STPG2: variants seen among roughly 807,000 people sequenced by gnomAD.
The protein encoded by STPG2 is sperm-tail PG-rich repeat-containing protein 2.
Under a neutral mutation model 54.2 loss-of-function variants are expected in STPG2, and 56 were observed. The observed-to-expected ratio is 1.03, with a 90% CI of 0.83 to 1.29. The LOEUF (loss-of-function observed/expected upper bound fraction) is 1.29, where lower values mean the gene tolerates loss of function less well. Ranked by LOEUF, STPG2 falls within the 50% of genes most tolerant of loss-of-function variation. STPG2 has a pLI of 0.00. For synonymous variants in STPG2, 200 were observed against 181.8 expected, an observed-to-expected ratio of 1.10 and a Z score of -0.81; for missense variants, 596 against 544.9, an observed-to-expected ratio of 1.09 and a Z score of -0.93.
At chr4:97,577,806 T>G (rs1177400600) in intron 10 of STPG2, among the ~76,000 whole-genome samples, 3 of 152,190 alleles carry the variant, frequency 2.0e-5, no homozygotes, top group Non-Finnish European at 4.4e-5. Flanking sequence ...CTCTTAACAC[T>G]AATTATAAAG....
chr4:97,806,910 C>A (rs1457262987), intron 9 of STPG2, among the ~76,000 whole-genome samples: 2 of 152,088 alleles, frequency 1.3e-5, no homozygotes, highest in Non-Finnish European at 2.9e-5. Flanking sequence ...AACTTCTGAG[C>A]CTTACTGACT....
At chr4:97,889,573 A>G (rs1315968911) in intron 8 of STPG2, among the ~76,000 whole-genome samples, 3 of 152,184 alleles carry the variant, frequency 2.0e-5, no homozygotes, top group Non-Finnish European at 2.9e-5. Context: ...AGAGAAATAC[A>G]AATACTGCAT....
chr4:97,443,475 T>C (rs1295359611), intron 4 of STPG2, among the ~76,000 whole-genome samples: 8 of 152,130 alleles, frequency 5.3e-5, no homozygotes, highest in African/African-American at 1.7e-4. Flanking sequence ...GCTAAAGATA[T>C]AGGCAGCAAA....
intron 5 of STPG2, among the ~76,000 whole-genome samples, chr4:97,988,015 T>A (rs1734880221): frequency 6.9e-6 from 1 of 143,934 alleles, no homozygotes; most frequent in Non-Finnish European, 1.5e-5. Context: ...ATCCTTAATA[T>A]GGTCTGAATG....
At chr4:98,077,547 T>C (rs1192635439) in intron 5 of STPG2, among the ~76,000 whole-genome samples, 1 of 152,118 alleles carries the variant, frequency 6.6e-6, no homozygotes, top group East Asian at 1.9e-4. Context: ...TCCATATTTT[T>C]AAGAGTATAA....
intron 10 of STPG2, among the ~76,000 whole-genome samples, chr4:97,682,382 C>T (rs931428363): frequency 4.6e-5 from 7 of 151,616 alleles, no homozygotes; most frequent in Non-Finnish European, 1.0e-4. Context: ...AAAATAATTA[C>T]AAAAATTACA....
intron 10 of STPG2, among the ~76,000 whole-genome samples, chr4:97,602,138 T>A (rs1322754921): frequency 6.6e-6 from 1 of 151,982 alleles, no homozygotes; most frequent in African/African-American, 2.4e-5. Flanking sequence ...TATTTGCCCA[T>A]AGATTATTTT....
chr4:98,136,138 A>G (rs943876095), intron 1 of STPG2, among the ~76,000 whole-genome samples: 1 of 151,668 alleles, frequency 6.6e-6, no homozygotes, highest in African/African-American at 2.4e-5. Flanking sequence ...GAGAAGATAA[A>G]GGGAAGATAT....
intron 8 of STPG2, among the ~76,000 whole-genome samples, chr4:97,890,104 T>C (rs1214197280): frequency 6.6e-6 from 1 of 152,140 alleles, no homozygotes; most frequent in African/African-American, 2.4e-5. Context: ...ACTTTTCTTC[T>C]AAGCTTCTCA....
At chr4:97,477,139 T>C (rs558439820) in intron 4 of STPG2, among the ~76,000 whole-genome samples, 1 of 152,326 alleles carries the variant, frequency 6.6e-6, no homozygotes, top group East Asian at 1.9e-4. Context: ...TGCATGCACA[T>C]ATTGGTATGT....
chr4:97,995,941 CACAA>C (rs756104788), intron 5 of STPG2, among the ~76,000 whole-genome samples: 1 of 152,088 alleles, frequency 6.6e-6, no homozygotes, highest in African/African-American at 2.4e-5. Flanking sequence ...TCAGAGATGA[CACAA>C]ACAGACAAAA....
At chr4:97,903,288 C>G (rs1307565886) in intron 8 of STPG2, among the ~76,000 whole-genome samples, 2 of 151,944 alleles carry the variant, frequency 1.3e-5, no homozygotes, top group Non-Finnish European at 2.9e-5. Context: ...GGCAATTATT[C>G]TACAATGTAT....
At chr4:97,837,770 T>C (rs1728676147) in intron 9 of STPG2, among the ~76,000 whole-genome samples, 1 of 151,610 alleles carries the variant, frequency 6.6e-6, no homozygotes, top group African/African-American at 2.4e-5. Flanking sequence ...TTCATATTTC[T>C]AAATAAAGAT....
chr4:97,586,627 A>G (rs1678331604), intron 10 of STPG2, among the ~76,000 whole-genome samples: 1 of 151,984 alleles, frequency 6.6e-6, no homozygotes, highest in Admixed American at 6.6e-5. Flanking sequence ...AGGCCAGCAG[A>G]TTTGTCTTAT....
intron 7 of STPG2, among the ~76,000 whole-genome samples, chr4:97,946,713 C>A (rs1174596725): frequency 6.6e-6 from 1 of 152,038 alleles, no homozygotes; most frequent in Non-Finnish European, 1.5e-5. Context: ...AAATATTTGG[C>A]TTTATTTCTG....
intron 10 of STPG2, among the ~76,000 whole-genome samples, chr4:97,657,824 G>A (rs1722257383): frequency 6.6e-6 from 1 of 152,170 alleles, no homozygotes; most frequent in Non-Finnish European, 1.5e-5. Context: ...GTTATGCAAA[G>A]ACATGATTTC....
rs575387473 is a variant in STPG2, at chr4:98,069,077, T to A, written c.612+36876A>T. Reference sequence around the variant, plus strand: ...AAGTAACCAAACATTTTTACATTTTTAAAAATGTATTAAAATGTATAAATA... The same window carrying A: ...AAGTAACCAAACATTTTTACATTTTAAAAAATGTATTAAAATGTATAAATA... On this transcript the variant is annotated intron_variant, in intron 5 of 10. Coordinates refer to ENST00000295268, the MANE Select transcript of STPG2 (RefSeq NM_174952.3). Among the ~76,000 whole-genome samples the A allele has an allele frequency of 1.4e-4, 21 of 152,182 alleles. No individual in the cohort carries two copies. In the South Asian group the frequency reaches 4.1e-3, roughly 30 times the overall value.
rs551404753 is a variant in STPG2 at position 97,795,884 on chromosome 4, C to T, written c.1204+44889G>A. Among the ~76,000 whole-genome samples, 377 of 151,900 alleles carry T rather than the reference C, an allele frequency of 2.5e-3. 2 individuals carry two copies. The highest frequency in any genetic ancestry group is 3.1e-3 in the African/African-American group (130 of 41,372). On this transcript the variant is annotated intron_variant, in intron 9 of 10. Transcript: ENST00000295268. ...CTGTTGTTTCCTGACTTTTTAATGACCACCATTCTAACTGGTGTGAGATGA... is the reference window on the plus strand; with the variant it reads ...CTGTTGTTTCCTGACTTTTTAATGATCACCATTCTAACTGGTGTGAGATGA...
At chr4:97,677,607 A>AT (rs1480679501) in intron 10 of STPG2, among the ~76,000 whole-genome samples, 1 of 152,202 alleles carries the variant, frequency 6.6e-6, no homozygotes, top group Non-Finnish European at 1.5e-5. Flanking sequence ...TACAAAAATA[A>AT]TTTTTATGGC....
Sources: gnomAD v4.1 joint callset for allele counts (sites outside exome capture counted in the v4.1 genomes callset) on GRCh38, gnomAD v4.1.1 for gene constraint, MANE v1.5 for transcripts, NCBI Gene and HGNC (gene_info 2026-07-23, HGNC 2026-07-21) for gene names.